The following PSD3 variants were observed in gnomAD, a reference collection of about 807,000 sequenced individuals.
PSD3 encodes pleckstrin and Sec7 domain containing 3, also known as PH and SEC7 domain-containing protein 3.
PSD3 carries 49 observed loss-of-function variants against 105.5 expected under a neutral mutation model. That is an observed-to-expected ratio of 0.46 (90% confidence interval 0.37 to 0.59). The LOEUF (loss-of-function observed/expected upper bound fraction) is 0.59, where lower values mean the gene tolerates loss of function less well. Ranked by LOEUF, PSD3 falls within the 20% of genes least tolerant of loss-of-function variation. The probability of loss-of-function intolerance (pLI) is 0.00; values close to 1 mark genes in which losing one functional copy is unlikely to be tolerated. For synonymous variants in PSD3, 557 were observed against 457.8 expected, an observed-to-expected ratio of 1.22 and a Z score of -2.77; for missense variants, 1,561 against 1,263.8, an observed-to-expected ratio of 1.24 and a Z score of -3.57.
At chr8:18,770,672 G>A (rs1237898477) in intron 8 of PSD3, among the ~76,000 whole-genome samples, 1 of 152,230 alleles carries the variant, frequency 6.6e-6, no homozygotes, top group East Asian at 1.9e-4. Flanking sequence ...CTGGGGAGGG[G>A]TGCCAGTGAC....
At chr8:18,638,437 A>C (rs1365917192) in intron 10 of PSD3, among the ~76,000 whole-genome samples, 1 of 152,144 alleles carries the variant, frequency 6.6e-6, no homozygotes, top group East Asian at 1.9e-4. Flanking sequence ...AAAGTCAGTA[A>C]AGTTTTAGAT....
chr8:18,737,025 A>C (rs1288233121), intron 9 of PSD3, among the ~76,000 whole-genome samples: 3 of 152,180 alleles, frequency 2.0e-5, no homozygotes, highest in Non-Finnish European at 4.4e-5. Context: ...AAAATGTGAA[A>C]AGGACTTCAA....
chr8:18,799,229 T>C (rs1324193462), intron 8 of PSD3, 66 bp downstream of exon 8: 1 of 1,380,864 alleles, frequency 7.2e-7, no homozygotes, highest in Non-Finnish European at 1.0e-6. Flanking sequence ...AATAAATGTG[T>C]TTGAACATAA....
At chr8:18,552,378 G>A (rs2717728) in intron 15 of PSD3, among the ~76,000 whole-genome samples, 141,385 of 152,234 alleles carry the variant, frequency 0.93, 65,811 homozygotes, top group Non-Finnish European at 0.96. Context: ...AATAAAAAGC[G>A]TCATCTCCTT....
upstream of PSD3, among the ~76,000 whole-genome samples, chr8:19,014,930 T>C (rs558011497): frequency 1.3e-4 from 20 of 152,220 alleles, no homozygotes; most frequent in Non-Finnish European, 2.9e-4. The surrounding 1 kb of genome is among the most constrained non-coding windows in gnomAD (Gnocchi z 4.9). Context: ...ACAAATTCAC[T>C]CCAACTTCAG....
chr8:18,797,351 T>A (rs1275303847), intron 8 of PSD3, among the ~76,000 whole-genome samples: 1 of 152,176 alleles, frequency 6.6e-6, no homozygotes, highest in Non-Finnish European at 1.5e-5. Context: ...CGACTGCCAA[T>A]TATTAATTAT....
In PSD3 at chr8:19,008,185, G is replaced by A. The variant is rs188856298; in HGVS notation, c.21+5378C>T. On this transcript the variant is annotated intron_variant, in intron 1 of 15. Transcript: ENST00000327040. The stretch of plus-strand genomic sequence containing the variant: ...GGGAGATATAAGCATCAGCGGGTGG[G>A]GAAGGTGGCTGACAGACCTTTTGTA... Among the ~76,000 whole-genome samples the A allele has an allele frequency of 2.0e-4, 30 of 152,306 alleles. No individual in the cohort carries two copies. In the East Asian group the frequency reaches 5.4e-3, roughly 27 times the overall value.
At chr8:18,611,817 C>T (rs1027159915) in intron 11 of PSD3, among the ~76,000 whole-genome samples, 25 of 152,134 alleles carry the variant, frequency 1.6e-4, no homozygotes, top group Admixed American at 1.4e-3. Context: ...GTAAGCTTTG[C>T]TTCTCTGATT....
chr8:18,892,137 T>C (rs1052343005), intron 2 of PSD3, among the ~76,000 whole-genome samples: 1 of 151,614 alleles, frequency 6.6e-6, no homozygotes, highest in Admixed American at 6.6e-5. Context: ...AGAATTTTAA[T>C]CTTTCTTTCC....
intron 6 of PSD3, among the ~76,000 whole-genome samples, chr8:18,803,684 A>C (rs1286480035): frequency 6.6e-6 from 1 of 152,126 alleles, no homozygotes; most frequent in Admixed American, 6.6e-5. Context: ...GAATCACAAA[A>C]AGGCAAATAA....
chr8:18,652,144 A>G (rs767792881), intron 10 of PSD3, among the ~76,000 whole-genome samples: 1 of 152,182 alleles, frequency 6.6e-6, no homozygotes, highest in Non-Finnish European at 1.5e-5. Flanking sequence ...GAAATGGAGC[A>G]CACACGACAA....
intron 1 of PSD3, among the ~76,000 whole-genome samples, chr8:18,968,962 G>A (rs1360996252): frequency 6.6e-6 from 1 of 151,192 alleles, no homozygotes; most frequent in African/African-American, 2.4e-5. Context: ...AAAATGCAGT[G>A]GGGGATATGA....
chr8:18,844,173 C>G (rs2129451578), intron 4 of PSD3, among the ~76,000 whole-genome samples: 1 of 151,808 alleles, frequency 6.6e-6, no homozygotes, highest in South Asian at 2.1e-4. Context: ...AGAGCTGTAT[C>G]TCCCCAGGAT....
chr8:18,568,706 CT>C (rs10592904), intron 14 of PSD3, among the ~76,000 whole-genome samples: 71,871 of 150,516 alleles, frequency 0.48, 18,365 homozygotes, highest in Non-Finnish European at 0.59. Flanking sequence ...CCTTCTTCTT[CT>C]TTTTTTTTTT....
intron 2 of PSD3, among the ~76,000 whole-genome samples, chr8:18,919,032 C>T (rs1820815460): frequency 2.0e-5 from 3 of 151,930 alleles, no homozygotes; most frequent in Middle Eastern, 3.2e-3. Flanking sequence ...CTCTTGGATT[C>T]TTTTTTTTAA....
intron 1 of PSD3, among the ~76,000 whole-genome samples, chr8:19,002,836 T>C (rs912101692): frequency 1.5e-4 from 23 of 152,054 alleles, no homozygotes; most frequent in African/African-American, 4.6e-4. Flanking sequence ...CTAAGTGTAT[T>C]AGAATTTTTC....
intron 1 of PSD3, among the ~76,000 whole-genome samples, chr8:19,049,771 G>A (rs1188888734): frequency 1.3e-5 from 2 of 149,408 alleles, no homozygotes; most frequent in Admixed American, 6.7e-5. Context: ...AAAAACATAG[G>A]TTATTTTCTC....
intron 9 of PSD3, among the ~76,000 whole-genome samples, chr8:18,718,407 T>C (rs1299854219): frequency 6.6e-6 from 1 of 152,228 alleles, no homozygotes; most frequent in Non-Finnish European, 1.5e-5. Context: ...GGTTTGTTTG[T>C]TCTTGCAGTG....
At chr8:18,864,728 A>G (rs1420573612) in intron 4 of PSD3, 2 of 152,150 alleles carry the variant, frequency 1.3e-5, no homozygotes, top group African/African-American at 4.8e-5. Context: ...TCTTTTGTAA[A>G]TATATTAATA....
Sources: gnomAD v4.1 joint callset for allele counts (sites outside exome capture counted in the v4.1 genomes callset) on GRCh38, gnomAD v4.1.1 for gene constraint, Gnocchi (gnomAD v3.1) non-coding constraint, MANE v1.5 for transcripts, NCBI Gene and HGNC (gene_info 2026-07-23, HGNC 2026-07-21) for gene names.